Variants in TRMT11 observed in about 807,000 individuals in gnomAD.
TRMT11 encodes the protein tRNA (guanine(10)-N(2))-methyltransferase TRMT11.
Under a neutral mutation model 62.8 loss-of-function variants are expected in TRMT11, and 53 were observed. The observed-to-expected ratio is 0.84, with a 90% CI of 0.68 to 1.06. TRMT11 has a LOEUF of 1.06. Ranked by LOEUF, TRMT11 falls within the 50% of genes least tolerant of loss-of-function variation. The probability of loss-of-function intolerance (pLI) is 0.00; values close to 1 mark genes in which losing one functional copy is unlikely to be tolerated. For synonymous variants in TRMT11, 188 were observed against 190.3 expected, an observed-to-expected ratio of 0.99 and a Z score of 0.10; for missense variants, 556 against 553.4, an observed-to-expected ratio of 1.00 and a Z score of -0.05.
chr6:126,129,466 C>T (rs1178799589), intron 21 of TRMT11, among the ~76,000 whole-genome samples: 1 of 152,108 alleles, frequency 6.6e-6, no homozygotes, highest in African/African-American at 2.4e-5. Flanking sequence ...TGGTGCCTGA[C>T]TCAGGAACTT....
chr6:126,155,263 C>T (rs1226268709), intron 21 of TRMT11, among the ~76,000 whole-genome samples: 3 of 152,104 alleles, frequency 2.0e-5, no homozygotes, highest in Non-Finnish European at 4.4e-5. Context: ...TTTCAAAGAA[C>T]TCGATCTCGT....
rs1320166795 is a variant in TRMT11 at position 126,115,725 on chromosome 6, GT to G, written c.*1711-11del. Among the ~76,000 whole-genome samples, 3 of 152,100 alleles carry G rather than the reference GT, an allele frequency of 2.0e-5. No individual in the cohort carries two copies. The East Asian group carries it at 5.8e-4, about 30-fold the overall frequency. ...TCTGTATTCTACTTTGTGACTCTGG[GT>G]TTTTTTCACCATCTAGCTCTTAGGT... On this transcript the variant is annotated splice_polypyrimidine_tract_variant and intron_variant and NMD_transcript_variant, in intron 20 of 22. Coordinates refer to the TRMT11 transcript ENST00000648977.
At chr6:126,040,441 A>G (rs1775842029), downstream of TRMT11, among the ~76,000 whole-genome samples, 1 of 152,072 alleles carries the variant, frequency 6.6e-6, no homozygotes, top group African/African-American at 2.4e-5. Context: ...TAAAAAAGAA[A>G]CCTGATTACT....
intron 17 of TRMT11, among the ~76,000 whole-genome samples, chr6:126,106,984 T>G (rs140359667): frequency 2.5e-3 from 383 of 152,068 alleles, no homozygotes; most frequent in African/African-American, 8.6e-3. Flanking sequence ...ACTATGATTA[T>G]TGTCCTATAT....
intron 17 of TRMT11, among the ~76,000 whole-genome samples, chr6:126,056,140 TG>T (rs1362950254): frequency 6.6e-6 from 1 of 152,288 alleles, no homozygotes; most frequent in East Asian, 1.9e-4. Flanking sequence ...TATTTCGCAC[TG>T]TTAACATAAG....
upstream of TRMT11, among the ~76,000 whole-genome samples, chr6:126,175,470 A>G (rs1364670871): frequency 1.3e-5 from 2 of 152,190 alleles, no homozygotes; most frequent in East Asian, 1.9e-4. Context: ...GTTGGGTTTG[A>G]AAAAGAAAAA....
At chr6:126,066,886 G>A (rs1219533226) in intron 17 of TRMT11, among the ~76,000 whole-genome samples, 3 of 151,274 alleles carry the variant, frequency 2.0e-5, no homozygotes, top group Non-Finnish European at 2.9e-5. Flanking sequence ...CTTAATGGCT[G>A]CAATGCTGGG....
intron 21 of TRMT11, among the ~76,000 whole-genome samples, chr6:126,127,922 C>A (rs1449473221): frequency 1.3e-5 from 2 of 152,038 alleles, no homozygotes; most frequent in African/African-American, 4.8e-5. Context: ...TAAGATTTCC[C>A]TCTATCCTGG....
chr6:126,141,106 C>T (rs762668754), intron 21 of TRMT11, among the ~76,000 whole-genome samples: 9 of 151,962 alleles, frequency 5.9e-5, no homozygotes, highest in Non-Finnish European at 8.8e-5. Context: ...TTAGAGAAAA[C>T]GTACTTAGCA....
At chr6:126,049,196 C>T (rs1326394131) in intron 16 of TRMT11, among the ~76,000 whole-genome samples, 2 of 151,988 alleles carry the variant, frequency 1.3e-5, no homozygotes, top group African/African-American at 4.8e-5. Context: ...TACCTCTCAA[C>T]AGGGCAGTCT....
At chr6:126,032,290 A>C (rs1196525796) in intron 12 of TRMT11, among the ~76,000 whole-genome samples, 1 of 152,152 alleles carries the variant, frequency 6.6e-6, no homozygotes, top group Non-Finnish European at 1.5e-5. Context: ...AAATCTCATC[A>C]ATGGCTTTCT....
chr6:125,990,000 T>C (rs148198187), intron 1 of TRMT11, among the ~76,000 whole-genome samples: 1 of 152,342 alleles, frequency 6.6e-6, no homozygotes, highest in Non-Finnish European at 1.5e-5. Flanking sequence ...TCTTTTAGCT[T>C]TATATGTTTT....
Position 125,993,104 on chromosome 6 carries a change from C to T in TRMT11, c.73-653C>T, listed in dbSNP as rs116544467. Among the ~76,000 whole-genome samples the T allele has an allele frequency of 1.3e-3, 199 of 152,104 alleles. 1 individual carries two copies. Among genetic ancestry groups the T allele is most frequent in the African/African-American group, 4.6e-3 (192 of 41,484 alleles). On this transcript the variant is annotated intron_variant, in intron 1 of 12. Transcript: ENST00000334379. ...CATTAGGTTCCATCCTCCATGAGAC[C>T]TATATGGAAGAGTGTGATTCTACCT...
At chr6:126,228,362 A>G in the TRMT11 span, among the ~76,000 whole-genome samples, 25 of 152,332 alleles carry the variant, frequency 1.6e-4, no homozygotes, top group African/African-American at 5.5e-4. Flanking sequence ...TGAATAGAAG[A>G]GACCGTGTTA....
intron 12 of TRMT11, among the ~76,000 whole-genome samples, chr6:126,032,254 A>G (rs1451018229): frequency 6.6e-6 from 1 of 152,184 alleles, no homozygotes; most frequent in Non-Finnish European, 1.5e-5. Flanking sequence ...TTCAGAATAT[A>G]AATAGATAAG....
chr6:126,017,748 A>C (rs1471601262), intron 11 of TRMT11, among the ~76,000 whole-genome samples: 1 of 152,208 alleles, frequency 6.6e-6, no homozygotes, highest in African/African-American at 2.4e-5. Context: ...TACTGCTTAT[A>C]GAGACTTAAC....
chr6:126,102,425 G>A (rs1046528460), intron 17 of TRMT11, among the ~76,000 whole-genome samples: 1 of 151,912 alleles, frequency 6.6e-6, no homozygotes, highest in African/African-American at 2.4e-5. Flanking sequence ...AGCCTCCTGC[G>A]ATGCTGGCCT....
At chr6:126,131,815 CA>C (rs1777786669) in intron 21 of TRMT11, among the ~76,000 whole-genome samples, 1 of 151,506 alleles carries the variant, frequency 6.6e-6, no homozygotes, top group South Asian at 2.1e-4. Context: ...AGAAAGTCCT[CA>C]AAAATGGTCT....
chr6:126,191,464 C>CTTTTTTTTTT (rs77414207), intron 1 of TRMT11, among the ~76,000 whole-genome samples: 153 of 102,316 alleles, frequency 1.5e-3, no homozygotes, highest in Non-Finnish European at 1.6e-3. Flanking sequence ...TCCTACTTGT[C>CTTTTTTTTTT]TTTTTTTTTT....
Sources: gnomAD v4.1 joint callset for allele counts (sites outside exome capture counted in the v4.1 genomes callset) on GRCh38, gnomAD v4.1.1 for gene constraint, MANE v1.5 for transcripts, NCBI Gene and HGNC (gene_info 2026-07-23, HGNC 2026-07-21) for gene names.